Variants in RBMS3 observed in about 807,000 individuals in gnomAD.
RBMS3 encodes the protein RNA-binding motif, single-stranded-interacting protein 3.
Under a neutral mutation model 66.8 loss-of-function variants are expected in RBMS3, and 27 were observed. The observed-to-expected ratio is 0.40, with a 90% CI of 0.30 to 0.56. RBMS3 has a LOEUF of 0.56. RBMS3 is among the 20% of genes least tolerant of loss of function. RBMS3 has a pLI of 0.40. For synonymous variants in RBMS3, 188 were observed against 183.0 expected (o/e 1.03, Z -0.22); for missense variants, 513 against 549.5 (o/e 0.93, Z 0.66).
chr3:29,520,279 A>T (rs2044805029), intron 3 of RBMS3, among the ~76,000 whole-genome samples: 1 of 152,220 alleles, frequency 6.6e-6, no homozygotes, highest in Non-Finnish European at 1.5e-5. Flanking sequence ...TAATTTTAAA[A>T]TTGATTGCAT....
At chr3:29,485,107 A>C (rs915887933) in intron 2 of RBMS3, among the ~76,000 whole-genome samples, 6 of 152,214 alleles carry the variant, frequency 3.9e-5, no homozygotes, top group Admixed American at 3.3e-4. Flanking sequence ...CAGCTTTGAA[A>C]ATAAAAGATG....
intron 4 of RBMS3, among the ~76,000 whole-genome samples, chr3:29,668,645 G>T (rs2050865671): frequency 6.6e-6 from 1 of 152,104 alleles, no homozygotes; most frequent in African/African-American, 2.4e-5. Context: ...ACAAAATAAT[G>T]CACAAAAGGG....
chr3:29,604,446 C>T (rs1484934720), intron 4 of RBMS3, among the ~76,000 whole-genome samples: 1 of 151,852 alleles, frequency 6.6e-6, no homozygotes. Context: ...GATGCTATTC[C>T]TTTTGGAGGC....
At chr3:29,694,263 T>C (rs2052165857) in intron 4 of RBMS3, among the ~76,000 whole-genome samples, 1 of 152,178 alleles carries the variant, frequency 6.6e-6, no homozygotes, top group Non-Finnish European at 1.5e-5. Flanking sequence ...TTTTGTCACA[T>C]ACATTTTCAC....
At chr3:29,865,098 G>GGAAGGAAGGA in intron 6 of RBMS3, among the ~76,000 whole-genome samples, 1 of 99,128 alleles carries the variant, frequency 1.0e-5, no homozygotes, top group East Asian at 3.7e-4. Flanking sequence ...GGAAGGGAGG[G>GGAAGGAAGGA]AGGGAGGGAG....
intron 1 of RBMS3, among the ~76,000 whole-genome samples, chr3:29,326,360 TTC>T (rs1056786882): frequency 2.2e-4 from 33 of 152,244 alleles, no homozygotes; most frequent in African/African-American, 7.2e-4. Flanking sequence ...GCTAATTACT[TTC>T]TGTTTATTAA....
At chr3:29,409,314 C>T (rs2040166116) in intron 1 of RBMS3, among the ~76,000 whole-genome samples, 1 of 141,370 alleles carries the variant, frequency 7.1e-6, no homozygotes, top group Non-Finnish European at 1.5e-5. Context: ...TGCGGCACCT[C>T]AGTACTTCTC....
chr3:29,489,154 G>A (rs2043433092), intron 3 of RBMS3, among the ~76,000 whole-genome samples: 1 of 152,146 alleles, frequency 6.6e-6, no homozygotes, highest in Non-Finnish European at 1.5e-5. Context: ...TGGAAAATTG[G>A]AATGCTTCTT....
chr3:29,416,628 A>T (rs1029471083), intron 1 of RBMS3, among the ~76,000 whole-genome samples: 2 of 152,018 alleles, frequency 1.3e-5, no homozygotes, highest in Admixed American at 1.3e-4. Flanking sequence ...TGAATTCAAT[A>T]GGATCCATCT....
chr3:29,771,902 C>G (rs2056220947), intron 6 of RBMS3, among the ~76,000 whole-genome samples: 1 of 151,962 alleles, frequency 6.6e-6, no homozygotes, highest in Non-Finnish European at 1.5e-5. Context: ...AAATCTGCCC[C>G]CATGATCCAG....
intron 2 of RBMS3, among the ~76,000 whole-genome samples, chr3:29,440,885 T>C (rs1459080244): frequency 1.3e-5 from 2 of 152,158 alleles, no homozygotes; most frequent in Non-Finnish European, 2.9e-5. Context: ...AAAAGTAACC[T>C]TGTCACAATA....
chr3:29,314,006 G>A (rs1225639856), intron 1 of RBMS3, among the ~76,000 whole-genome samples: 1 of 151,618 alleles, frequency 6.6e-6, no homozygotes, highest in East Asian at 1.9e-4. Context: ...CTGGTTGCTT[G>A]GGCATTGGCA....
chr3:29,811,580 C>G (rs1204437395), intron 6 of RBMS3, among the ~76,000 whole-genome samples: 22 of 152,188 alleles, frequency 1.4e-4, no homozygotes, highest in Admixed American at 1.4e-3. Flanking sequence ...CTTTACCATG[C>G]TGAAGAGAAG....
At chr3:29,462,401 G>A (rs2125782403) in intron 2 of RBMS3, among the ~76,000 whole-genome samples, 1 of 152,218 alleles carries the variant, frequency 6.6e-6, no homozygotes, top group East Asian at 1.9e-4. Flanking sequence ...ATTATCATAT[G>A]TTGCCTCCTA....
chr3:29,787,502 A>T (rs1241420626), intron 6 of RBMS3, among the ~76,000 whole-genome samples: 1 of 152,256 alleles, frequency 6.6e-6, no homozygotes, highest in African/African-American at 2.4e-5. Flanking sequence ...CAACTCAGCC[A>T]TAAAAAGGAA....
chr3:29,595,079 T>C (rs1299779007), intron 4 of RBMS3, among the ~76,000 whole-genome samples: 5 of 152,048 alleles, frequency 3.3e-5, no homozygotes, highest in Admixed American at 6.6e-5. Context: ...GAAGGATATG[T>C]GTGGAATTCA....
chr3:29,947,115 A>G (rs1695376751), intron 12 of RBMS3, among the ~76,000 whole-genome samples: 1 of 151,598 alleles, frequency 6.6e-6, no homozygotes, highest in African/African-American at 2.4e-5. Context: ...TGTACTAACT[A>G]CAATGTATTT....
intron 4 of RBMS3, among the ~76,000 whole-genome samples, chr3:29,595,020 C>T (rs887582540): frequency 2.6e-5 from 4 of 152,142 alleles, no homozygotes; most frequent in African/African-American, 9.7e-5. Context: ...AGAATTGCCT[C>T]AGTGTCTTAA....
intron 12 of RBMS3, among the ~76,000 whole-genome samples, chr3:29,986,843 T>C (rs890046229): frequency 1.3e-5 from 2 of 152,130 alleles, no homozygotes; most frequent in Non-Finnish European, 2.9e-5. Flanking sequence ...CTGGGGAAGC[T>C]GAGGCATGAG....
Sources: gnomAD v4.1 joint callset for allele counts (sites outside exome capture counted in the v4.1 genomes callset) on GRCh38, gnomAD v4.1.1 for gene constraint, MANE v1.5 for transcripts, NCBI Gene and HGNC (gene_info 2026-07-23, HGNC 2026-07-21) for gene names.